MTHFD1L: variants seen among roughly 807,000 people sequenced by gnomAD.
MTHFD1L encodes monofunctional C1-tetrahydrofolate synthase, mitochondrial.
A neutral mutation model predicts 119.5 loss-of-function variants in MTHFD1L; 81 were observed. The ratio of observed to expected loss-of-function variants is 0.68; its 90% confidence interval spans 0.57 to 0.82. MTHFD1L has a LOEUF of 0.82. Ranked by LOEUF, MTHFD1L falls within the 40% of genes least tolerant of loss-of-function variation. MTHFD1L has a pLI of 0.00. For missense variants in MTHFD1L, 1,125 were observed against 1,253.4 expected (o/e 0.90, Z 1.55); for synonymous variants, 430 against 475.2 (o/e 0.90, Z 1.24).
Position 151,092,525 on chromosome 6 carries a change from C to G in MTHFD1L, c.2906C>G (p.Thr969Ser). The G allele has an allele frequency of 1.2e-6, 2 of 1,614,130 alleles. No homozygotes were observed. The highest frequency in any genetic ancestry group is 1.7e-6 in the Non-Finnish European group (2 of 1,179,998). Residue 969 changes from threonine to serine, a missense_variant, in exon 27 of 28, where the codon ACC becomes AGC. Thr to Ser is a moderately conservative substitution (Grantham distance 58). Around this residue, in one of 3 missense-constraint regions of MTHFD1L, gnomAD observed 61 missense variants for 78.9 expected, o/e 0.77. Coordinates refer to ENST00000367321, the MANE Select transcript of MTHFD1L (RefSeq NM_015440.5). ...TGCTTTTATGACATAGATCTTGATA[C>G]CGAAACAGAACAAGTTAAAGGCTTG... The part of the protein sequence containing the change: ...RPCFYDIDLD[T>S]ETEQVKGLF
At chr6:150,872,608 T>C (rs1289606329) in intron 1 of MTHFD1L, among the ~76,000 whole-genome samples, 1 of 151,976 alleles carries the variant, frequency 6.6e-6, no homozygotes, top group Non-Finnish European at 1.5e-5. Flanking sequence ...AGAACAAACA[T>C]ACTAAAAATG....
At chr6:150,987,075 T>C (rs143436970) in intron 20 of MTHFD1L, among the ~76,000 whole-genome samples, 7 of 152,268 alleles carry the variant, frequency 4.6e-5, no homozygotes, top group African/African-American at 1.7e-4. Context: ...CTTTTAATGT[T>C]AAAGTCTTAT....
chr6:151,016,733 G>A (rs749415647), intron 24 of MTHFD1L: 3 of 327,988 alleles, frequency 9.1e-6, no homozygotes, highest in African/African-American at 2.4e-5. Context: ...TTTCATTGTG[G>A]TAAATATATA....
intron 20 of MTHFD1L, among the ~76,000 whole-genome samples, chr6:151,001,038 A>G (rs952776045): frequency 1.3e-5 from 2 of 152,198 alleles, no homozygotes; most frequent in African/African-American, 2.4e-5. Flanking sequence ...TTAGCCAGAT[A>G]CGCCCCGTGC....
At chr6:151,076,302 G>C (rs1792506743) in intron 26 of MTHFD1L, among the ~76,000 whole-genome samples, 1 of 152,130 alleles carries the variant, frequency 6.6e-6, no homozygotes, top group Non-Finnish European at 1.5e-5. Context: ...AGTAAGCTGT[G>C]ATTGCACCAC....
intron 26 of MTHFD1L, among the ~76,000 whole-genome samples, chr6:151,052,374 C>T (rs967754962): frequency 6.6e-6 from 1 of 152,172 alleles, no homozygotes; most frequent in Non-Finnish European, 1.5e-5. Flanking sequence ...ACTGGAAAGA[C>T]CCAATCCCTG....
chr6:150,895,091 T>G (rs1427643918), intron 7 of MTHFD1L, among the ~76,000 whole-genome samples: 1 of 152,176 alleles, frequency 6.6e-6, no homozygotes, highest in Non-Finnish European at 1.5e-5. Flanking sequence ...TGGGCAGGGC[T>G]AGGGAACCCC....
intron 1 of MTHFD1L, among the ~76,000 whole-genome samples, chr6:150,873,930 C>T (rs1779969959): frequency 6.6e-6 from 1 of 152,112 alleles, no homozygotes; most frequent in East Asian, 1.9e-4. Context: ...CTTGGCCTCC[C>T]GAAGTACTGG....
At chr6:150,896,884 G>A (rs1172791427) in intron 7 of MTHFD1L, among the ~76,000 whole-genome samples, 1 of 152,052 alleles carries the variant, frequency 6.6e-6, no homozygotes, top group East Asian at 1.9e-4. Context: ...CGAGGCAGGT[G>A]GATCATGAGG....
Position 150,903,212 on chromosome 6 carries a change from T to C in MTHFD1L, c.781-2438T>C, listed in dbSNP as rs1406236274. 6.3e-4 allele frequency among the ~76,000 whole-genome samples: 75 copies of C among 118,368 alleles called. 1 individual carries two copies. Among genetic ancestry groups the C allele is most frequent in the African/African-American group, 1.9e-3 (59 of 31,402 alleles). The allele number at this position is 118,368 out of a possible 152,430, so 77.7% of individuals were successfully genotyped here. A position where few individuals can be genotyped will look rare whatever the true frequency, so the allele number is the denominator to read the frequency against. On this transcript the variant is annotated intron_variant, in intron 7 of 27. Transcript: ENST00000367321. Reference sequence around the variant, plus strand: ...TGATATTGGCTGCAAAATTTTTTTTTTTTTTTTTTTTTTTTTTTTTTTTGA... The same window carrying C: ...TGATATTGGCTGCAAAATTTTTTTTCTTTTTTTTTTTTTTTTTTTTTTTGA...
intron 26 of MTHFD1L, among the ~76,000 whole-genome samples, chr6:151,065,920 A>C (rs950780847): frequency 2.0e-5 from 3 of 152,242 alleles, no homozygotes; most frequent in African/African-American, 7.2e-5. Flanking sequence ...TCACACAGGC[A>C]AAGACTACTC....
At chr6:150,912,447 A>G (rs184726890) in intron 8 of MTHFD1L, among the ~76,000 whole-genome samples, 1 of 152,018 alleles carries the variant, frequency 6.6e-6, no homozygotes, top group Non-Finnish European at 1.5e-5. Context: ...TGCTTTTTTG[A>G]TAAGAAGGAT....
At chr6:150,868,089 C>T (rs1043088936) in intron 1 of MTHFD1L, among the ~76,000 whole-genome samples, 6 of 151,996 alleles carry the variant, frequency 3.9e-5, no homozygotes, top group South Asian at 2.1e-4. Flanking sequence ...CGTGACCCAC[C>T]GCGCCTGGGC....
chr6:150,915,421 T>C (rs1424734543), intron 8 of MTHFD1L, among the ~76,000 whole-genome samples: 1 of 152,134 alleles, frequency 6.6e-6, no homozygotes, highest in East Asian at 1.9e-4. Flanking sequence ...CAAAATAAAA[T>C]ATCCACACTT....
intron 21 of MTHFD1L, among the ~76,000 whole-genome samples, chr6:151,012,008 A>C (rs1430991825): frequency 1.1e-5 from 1 of 89,586 alleles, no homozygotes; most frequent in Admixed American, 9.9e-5. Context: ...TCTCAACAAC[A>C]ACAACAACAA....
At chr6:150,966,478 A>C (rs1048775363) in intron 19 of MTHFD1L, among the ~76,000 whole-genome samples, 1 of 152,124 alleles carries the variant, frequency 6.6e-6, no homozygotes, top group Non-Finnish European at 1.5e-5. Flanking sequence ...ATTCGACATG[A>C]GATGTGGGTG....
At chr6:151,035,759 T>C (rs1786072267) in intron 25 of MTHFD1L, among the ~76,000 whole-genome samples, 1 of 152,216 alleles carries the variant, frequency 6.6e-6, no homozygotes, top group African/African-American at 2.4e-5. Context: ...TAAAATGGTA[T>C]TTCTTTTATG....
At chr6:151,018,020 G>T (rs1159968247) in intron 24 of MTHFD1L, among the ~76,000 whole-genome samples, 1 of 151,724 alleles carries the variant, frequency 6.6e-6, no homozygotes, top group Non-Finnish European at 1.5e-5. Context: ...CATGTCGATG[G>T]TTCAGTCAGA....
intron 21 of MTHFD1L, among the ~76,000 whole-genome samples, chr6:151,011,696 C>T (rs1272769500): frequency 6.6e-6 from 1 of 152,154 alleles, no homozygotes. Flanking sequence ...TGCTTAATGT[C>T]ATGGTTCTCA....
Sources: allele counts gnomAD v4.1 joint callset (sites outside exome capture counted in the v4.1 genomes callset), GRCh38; gene constraint gnomAD v4.1.1; regional missense constraint gnomAD v4.1.1; transcripts MANE v1.5; gene names NCBI Gene and HGNC (gene_info 2026-07-23, HGNC 2026-07-21).